The following SDK2 variants were observed in gnomAD, a reference collection of about 807,000 sequenced individuals.
SDK2 encodes the protein sidekick cell adhesion molecule 2, also known as protein sidekick-2.
A neutral mutation model predicts 253.9 loss-of-function variants in SDK2; 105 were observed. The ratio of observed to expected loss-of-function variants is 0.41; its 90% confidence interval spans 0.35 to 0.49. The LOEUF is 0.49. Among genes scored for constraint, SDK2 ranks in the 20% least tolerant of loss-of-function variants. The probability of loss-of-function intolerance (pLI) is 0.06; values close to 1 mark genes in which losing one functional copy is unlikely to be tolerated. For synonymous variants in SDK2, 1,249 were observed against 1,234.9 expected (o/e 1.01, Z -0.24); for missense variants, 2,608 against 3,003.0 (o/e 0.87, Z 3.07).
intron 2 of SDK2, among the ~76,000 whole-genome samples, chr17:73,474,564 G>A (rs973591168): frequency 8.5e-5 from 13 of 152,196 alleles, no homozygotes; most frequent in African/African-American, 3.1e-4. Flanking sequence ...CTCTGCCACC[G>A]GCTGCAGCTC....
At chr17:73,628,804 AG>A (rs889763477) in intron 1 of SDK2, among the ~76,000 whole-genome samples, 2 of 152,154 alleles carry the variant, frequency 1.3e-5, no homozygotes, top group African/African-American at 4.8e-5. Flanking sequence ...GGCACACGAG[AG>A]GAAGTGTGGC....
chr17:73,411,806 G>T (rs62072147), intron 18 of SDK2, among the ~76,000 whole-genome samples: 2 of 110,656 alleles, frequency 1.8e-5, no homozygotes, highest in Non-Finnish European at 1.9e-5. Flanking sequence ...TTTTTTTTTG[G>T]TCAGAGTCTC....
intron 18 of SDK2, among the ~76,000 whole-genome samples, chr17:73,411,680 G>A (rs947141654): frequency 1.3e-5 from 2 of 152,106 alleles, no homozygotes; most frequent in Non-Finnish European, 2.9e-5. Context: ...CGAGAGAACC[G>A]GGCCTGGGCT....
intron 1 of SDK2, among the ~76,000 whole-genome samples, chr17:73,539,765 T>C (rs1170711612): frequency 6.6e-6 from 1 of 152,146 alleles, no homozygotes; most frequent in East Asian, 1.9e-4. Context: ...TGGCCCCTAA[T>C]ACAATTTAAC....
chr17:73,491,602 G>C (rs1198655964), intron 2 of SDK2, among the ~76,000 whole-genome samples: 2 of 152,152 alleles, frequency 1.3e-5, no homozygotes, highest in African/African-American at 4.8e-5. Flanking sequence ...GCTTGCAAGC[G>C]TGAGCCACTG....
At chr17:73,619,337 C>A (rs936779446) in intron 1 of SDK2, among the ~76,000 whole-genome samples, 3 of 152,072 alleles carry the variant, frequency 2.0e-5, no homozygotes, top group Non-Finnish European at 4.4e-5. Flanking sequence ...AGACAGCTAA[C>A]CCTCCAGCAG....
At chr17:73,624,375 C>T (rs2046174617) in intron 1 of SDK2, among the ~76,000 whole-genome samples, 1 of 152,162 alleles carries the variant, frequency 6.6e-6, no homozygotes, top group Non-Finnish European at 1.5e-5. Context: ...CGCCTATAGT[C>T]CCAGCTACTT....
chr17:73,521,753 CGAGACA>C (rs145457714), intron 1 of SDK2, among the ~76,000 whole-genome samples: 4,685 of 152,244 alleles, frequency 0.031, 136 homozygotes, highest in East Asian at 0.1. Flanking sequence ...ACAGACTGCT[CGAGACA>C]GAGTCAACAC....
chr17:73,469,280 T>TGTCACTGCCACTGAGGGTC (rs2063627192), intron 3 of SDK2, among the ~76,000 whole-genome samples: 1 of 152,162 alleles, frequency 6.6e-6, no homozygotes, highest in Non-Finnish European at 1.5e-5. Flanking sequence ...GGCCCCCATA[T>TGTCACTGCCACTGAGGGTC]GTCACTGCCA....
rs534295492 is a variant in SDK2, at chr17:73,509,358, G to A, written c.65-1761C>T. On this transcript the variant is annotated intron_variant, in intron 1 of 44. Coordinates refer to ENST00000392650, the MANE Select transcript of SDK2 (RefSeq NM_001144952.2). Reference sequence around the variant, plus strand: ...ATTTCCTTCCTGAACCCTAAAGTACGGTGTCCCCTCCAGGGAAGGGGCTCC... The same window carrying A: ...ATTTCCTTCCTGAACCCTAAAGTACAGTGTCCCCTCCAGGGAAGGGGCTCC... 4.7e-4 allele frequency among the ~76,000 whole-genome samples: 71 copies of A among 152,264 alleles called. 1 individual carries two copies. The highest frequency in any genetic ancestry group is 9.4e-4 in the Non-Finnish European group (64 of 68,012).
At chr17:73,516,732 T>A (rs144572277) in intron 1 of SDK2, 1 of 152,182 alleles carries the variant, frequency 6.6e-6, no homozygotes, top group Non-Finnish European at 1.5e-5. Context: ...CCTTCTGACG[T>A]TGGGAGCCTG....
intron 18 of SDK2, among the ~76,000 whole-genome samples, chr17:73,412,092 A>G (rs1275913032): frequency 1.1e-5 from 1 of 92,594 alleles, no homozygotes; most frequent in Non-Finnish European, 2.4e-5. Context: ...ATGTATATAT[A>G]CGTATATATG....
chr17:73,370,357 C>G (rs1234209991), intron 36 of SDK2, among the ~76,000 whole-genome samples: 3 of 152,154 alleles, frequency 2.0e-5, no homozygotes, highest in Non-Finnish European at 2.9e-5. Context: ...ATCCTCCCAC[C>G]TCAGCCTCCT....
At chr17:73,552,144 G>A (rs575843805) in intron 1 of SDK2, among the ~76,000 whole-genome samples, 14 of 151,792 alleles carry the variant, frequency 9.2e-5, no homozygotes, top group East Asian at 7.8e-4. Flanking sequence ...AAATATTGTC[G>A]GAGAGCCACA....
chr17:73,376,616 T>C (rs896766445), intron 36 of SDK2, among the ~76,000 whole-genome samples: 1 of 152,040 alleles, frequency 6.6e-6, no homozygotes, highest in African/African-American at 2.4e-5. Context: ...CATGTAGGCC[T>C]CTGCTGTATT....
At chr17:73,565,686 G>T (rs1473585999) in intron 1 of SDK2, among the ~76,000 whole-genome samples, 1 of 152,214 alleles carries the variant, frequency 6.6e-6, no homozygotes, top group South Asian at 2.1e-4. Context: ...GTGGAAATGC[G>T]ATCTCCAGTG....
intron 1 of SDK2, among the ~76,000 whole-genome samples, chr17:73,555,994 A>G (rs1160492937): frequency 2.0e-5 from 3 of 151,932 alleles, no homozygotes; most frequent in African/African-American, 7.3e-5. Context: ...GATGGGCTTG[A>G]GCTTCTGGGG....
intron 39 of SDK2, among the ~76,000 whole-genome samples, chr17:73,359,863 A>C (rs2062626617): frequency 6.6e-6 from 1 of 151,974 alleles, no homozygotes; most frequent in Non-Finnish European, 1.5e-5. Context: ...GCTGGTCTTG[A>C]ACTCCTGGGC....
chr17:73,401,175 T>C lies in SDK2; in HGVS notation c.2816A>G (p.Asn939Ser), dbSNP rs140355408. 62 of 1,556,134 alleles carry C rather than the reference T, an allele frequency of 4.0e-5. No homozygotes were observed. The South Asian group carries it at 5.7e-4, about 14-fold the overall frequency. ...GGGCAGGTAGTGGGTCACACGGGTG[T>C]TGGTTCGATTGTACTCCTCCCAGGA... ...RISWEEYNRTNTRVTHYLPNV... is the reference protein window; with the variant it reads ...RISWEEYNRTSTRVTHYLPNV... The change falls in exon 21 of 45, where the codon AAC becomes AGC. Residue 939 changes from asparagine to serine, a missense_variant. Asn to Ser is a conservative substitution (Grantham distance 46). Around this residue, in one of 2 missense-constraint regions of SDK2, gnomAD observed 1,505 missense variants for 1,859.1 expected, o/e 0.81. Coordinates refer to ENST00000392650, the MANE Select transcript of SDK2 (RefSeq NM_001144952.2).
Sources: allele counts gnomAD v4.1 joint callset (sites outside exome capture counted in the v4.1 genomes callset), GRCh38; gene constraint gnomAD v4.1.1; regional missense constraint gnomAD v4.1.1; transcripts MANE v1.5; gene names NCBI Gene and HGNC (gene_info 2026-07-23, HGNC 2026-07-21).